Variants in CSMD1 observed in about 807,000 individuals in gnomAD.
The protein encoded by CSMD1 is CUB and Sushi multiple domains 1.
CSMD1 carries 213 observed loss-of-function variants against 417.5 expected under a neutral mutation model. The ratio of observed to expected loss-of-function variants is 0.51; its 90% CI spans 0.46 to 0.57. The LOEUF (loss-of-function observed/expected upper bound fraction) is 0.57, where lower values mean the gene tolerates loss of function less well. CSMD1 is among the 20% of genes least tolerant of loss of function. The probability of loss-of-function intolerance (pLI) is 0.00; values close to 1 mark genes in which losing one functional copy is unlikely to be tolerated. For synonymous variants in CSMD1, 2,862 were observed against 1,736.8 expected, an observed-to-expected ratio of 1.65 and a Z score of -16.11; for missense variants, 6,923 against 4,529.7, an observed-to-expected ratio of 1.53 and a Z score of -15.17.
chr8:4,575,633 C>G (rs1799101642), intron 2 of CSMD1, among the ~76,000 whole-genome samples: 1 of 152,150 alleles, frequency 6.6e-6, no homozygotes, highest in African/African-American at 2.4e-5. Flanking sequence ...CATTTGAACT[C>G]CAGTTCCCCT....
intron 1 of CSMD1, among the ~76,000 whole-genome samples, chr8:4,707,735 A>T (rs1808032046): frequency 6.6e-6 from 1 of 151,814 alleles, no homozygotes; most frequent in Non-Finnish European, 1.5e-5. Flanking sequence ...AAAAATACAA[A>T]AATTAGCCGG....
intron 3 of CSMD1, among the ~76,000 whole-genome samples, chr8:4,343,774 T>C (rs949326895): frequency 1.3e-5 from 2 of 152,010 alleles, no homozygotes; most frequent in Non-Finnish European, 2.9e-5. Context: ...ATCTTTCTCA[T>C]CCTACACGTT....
intron 45 of CSMD1, 122 bp from the exon 46 acceptor site, chr8:3,106,763 G>C (rs539739313): frequency 4.3e-5 from 23 of 538,116 alleles, no homozygotes; most frequent in Admixed American, 4.2e-4. Flanking sequence ...TAGAAACTAT[G>C]TCTGTATTTA....
chr8:4,290,667 G>C (rs1165193000), intron 3 of CSMD1, among the ~76,000 whole-genome samples: 1 of 152,140 alleles, frequency 6.6e-6, no homozygotes, highest in Non-Finnish European at 1.5e-5. Context: ...TATGATCCAG[G>C]TTTAAGTAGC....
intron 3 of CSMD1, among the ~76,000 whole-genome samples, chr8:4,258,580 A>T (rs1417570164): frequency 6.6e-6 from 1 of 151,544 alleles, no homozygotes; most frequent in Non-Finnish European, 1.5e-5. Flanking sequence ...GAATGGAAGG[A>T]AGGAGGGATG....
intron 12 of CSMD1, among the ~76,000 whole-genome samples, chr8:3,430,589 T>G (rs1814153651): frequency 6.6e-6 from 1 of 152,132 alleles, no homozygotes. Context: ...GGTGGATCAT[T>G]TGAGGTCAGG....
At chr8:3,784,792 C>G (rs767144979) in intron 5 of CSMD1, among the ~76,000 whole-genome samples, 8 of 152,190 alleles carry the variant, frequency 5.3e-5, no homozygotes, top group Non-Finnish European at 1.2e-4. Context: ...ATATTTACAT[C>G]ATGTTGCATA....
chr8:3,913,693 A>G lies in CSMD1; in HGVS notation c.818+84210T>C, dbSNP rs184669900. Among the ~76,000 whole-genome samples the G allele has an allele frequency of 2.2e-3, 333 of 152,266 alleles. 3 individuals carry two copies. Among genetic ancestry groups the G allele is most frequent in the African/African-American group, 7.5e-3 (312 of 41,544 alleles). On this transcript the variant is annotated intron_variant, in intron 5 of 69. Coordinates refer to ENST00000635120, the MANE Select transcript of CSMD1 (RefSeq NM_033225.6). ...CGAAATATCAAGGATGCAAACTTTC[A>G]GGAAGTTTAGATGGAAGCATGCAGG...
intron 39 of CSMD1, among the ~76,000 whole-genome samples, chr8:3,153,976 C>A (rs1819359553): frequency 6.6e-6 from 1 of 152,038 alleles, no homozygotes; most frequent in Admixed American, 6.6e-5. Flanking sequence ...TCCTTTGTAA[C>A]TTTTTTTTAA....
intron 28 of CSMD1, among the ~76,000 whole-genome samples, chr8:3,219,847 A>C (rs1370351050): frequency 6.6e-6 from 1 of 152,140 alleles, no homozygotes; most frequent in Non-Finnish European, 1.5e-5. Context: ...AGTTTTGAAA[A>C]TACTGGAATT....
At chr8:3,727,119 A>G (rs1802543122) in intron 6 of CSMD1, among the ~76,000 whole-genome samples, 1 of 152,176 alleles carries the variant, frequency 6.6e-6, no homozygotes, top group Non-Finnish European at 1.5e-5. Context: ...CCATAATACC[A>G]ATTATTTATG....
chr8:3,974,213 C>G (rs2130113204), intron 5 of CSMD1, among the ~76,000 whole-genome samples: 1 of 152,036 alleles, frequency 6.6e-6, no homozygotes, highest in East Asian at 1.9e-4. Flanking sequence ...GCCAGGAAAC[C>G]TTTCATAAGA....
rs143724682 is a variant in CSMD1, at chr8:3,728,642, C to T, written c.932-20151G>A. On this transcript the variant is annotated intron_variant, in intron 6 of 69. Coordinates refer to ENST00000635120, the MANE Select transcript of CSMD1 (RefSeq NM_033225.6). ...GTAGAGACCACCATCCTGGAGCAGT[C>T]GTGTGGGGAGCACAGATGGAACAGA... 4.3e-3 allele frequency among the ~76,000 whole-genome samples: 647 copies of T among 152,222 alleles called. 4 individuals are homozygous for T. Among genetic ancestry groups the T allele is most frequent in the African/African-American group, 0.015 (621 of 41,542 alleles).
intron 14 of CSMD1, among the ~76,000 whole-genome samples, chr8:3,406,551 T>C (rs564745965): frequency 6.6e-6 from 1 of 152,254 alleles, no homozygotes; most frequent in African/African-American, 2.4e-5. Flanking sequence ...TTTCTCTCGT[T>C]AGAATCCTGA....
chr8:3,374,855 A>T lies in CSMD1; in HGVS notation c.2783-5485T>A, dbSNP rs572402442. ...CCGCACCACCCCATCACTTCCCCAGACCCTGCCAAAGTCTTCTAATAAATG... is the reference window on the plus strand; with the variant it reads ...CCGCACCACCCCATCACTTCCCCAGTCCCTGCCAAAGTCTTCTAATAAATG... On this transcript the variant is annotated intron_variant, in intron 18 of 69. Transcript: ENST00000635120. Among the ~76,000 whole-genome samples the T allele has an allele frequency of 2.0e-5, 3 of 152,200 alleles. 1 individual carries two copies. The highest frequency in any genetic ancestry group is 4.2e-4 in the South Asian group (2 of 4,808).
intron 50 of CSMD1, among the ~76,000 whole-genome samples, chr8:3,040,718 G>T (rs764136834): frequency 6.6e-6 from 1 of 151,982 alleles, no homozygotes; most frequent in Non-Finnish European, 1.5e-5. Context: ...CAAAAGAATC[G>T]CTTGAACCCG....
chr8:4,467,266 C>T (rs1322991683), intron 2 of CSMD1, among the ~76,000 whole-genome samples: 2 of 152,244 alleles, frequency 1.3e-5, no homozygotes, highest in South Asian at 2.1e-4. Flanking sequence ...TACTTCAATT[C>T]GTGTTCAATT....
intron 69 of CSMD1, among the ~76,000 whole-genome samples, chr8:2,940,558 C>T (rs536639141): frequency 6.6e-6 from 1 of 152,312 alleles, no homozygotes; most frequent in East Asian, 1.9e-4. Flanking sequence ...CAAGGCACCG[C>T]CTTCACGGAG....
intron 1 of CSMD1, among the ~76,000 whole-genome samples, chr8:4,813,039 A>G (rs1207476501): frequency 6.6e-6 from 1 of 152,194 alleles, no homozygotes; most frequent in African/African-American, 2.4e-5. Flanking sequence ...GAAACAAAAC[A>G]CAAACCCATT....
Sources: allele counts gnomAD v4.1 joint callset (sites outside exome capture counted in the v4.1 genomes callset), GRCh38; gene constraint gnomAD v4.1.1; transcripts MANE v1.5; gene names NCBI Gene and HGNC (gene_info 2026-07-23, HGNC 2026-07-21).